The following SLC2A13 variants were observed in gnomAD, a reference collection of about 807,000 sequenced individuals.
SLC2A13 encodes solute carrier family 2 member 13.
In SLC2A13, 32 loss-of-function variants were observed where a neutral mutation model predicts 64.4. The ratio of observed to expected loss-of-function variants is 0.50; its 90% confidence interval spans 0.37 to 0.67. The LOEUF is 0.67. Among genes scored for constraint, SLC2A13 ranks in the 30% least tolerant of loss-of-function variants. SLC2A13 has a pLI of 0.00. For missense variants in SLC2A13, 743 were observed against 829.2 expected (o/e 0.90, Z 1.28); for synonymous variants, 338 against 327.1 (o/e 1.03, Z -0.36).
intron 1 of SLC2A13, among the ~76,000 whole-genome samples, chr12:40,093,816 G>C (rs1392092235): frequency 6.6e-6 from 1 of 152,104 alleles, no homozygotes; most frequent in East Asian, 1.9e-4. Context: ...AGAAGAAGTG[G>C]GGATGGGGAA....
rs1939301738 is a variant in SLC2A13 at position 40,106,036 on chromosome 12, C to CCCCGCGCCCCG, written c.-229_-228insCGGGGCGCGGG. 2.3e-6 allele frequency: 1 copy of CCCCGCGCCCCG among 426,612 alleles called. No homozygotes were observed. Among genetic ancestry groups the CCCCGCGCCCCG allele is most frequent in the South Asian group, 7.4e-5 (1 of 13,462 alleles). The allele number at this position is 426,612 out of a possible 1,614,324, so 26.4% of individuals were successfully genotyped here. Reference sequence around the variant, plus strand: ...GAGTTGGAGCCCGGCGGGTCTCACTCCACACTCACGCCCCGCGCCTGCCGA... The same window carrying CCCCGCGCCCCG: ...GAGTTGGAGCCCGGCGGGTCTCACTCCCCGCGCCCCGCACACTCACGCCCCGCGCCTGCCGA... On this transcript the variant is annotated 5_prime_UTR_variant, in exon 1 of 10. Coordinates refer to ENST00000280871, the MANE Select transcript of SLC2A13 (RefSeq NM_052885.4).
rs1290619734 is a variant in SLC2A13, at chr12:39,830,644, C to T, written c.1320-416G>A. Among the ~76,000 whole-genome samples, 2 of 152,134 alleles carry T rather than the reference C, an allele frequency of 1.3e-5. 1 individual carries two copies. The highest frequency in any genetic ancestry group is 4.2e-4 in the South Asian group (2 of 4,814). ...TTCTCTCAATTGTCTACCTCATACA[C>T]CATCTATTTTAAAAAATGAAAATAG... On this transcript the variant is annotated intron_variant, in intron 6 of 9. Transcript: ENST00000280871.
At chr12:39,859,991 T>G (rs546681092) in intron 6 of SLC2A13, among the ~76,000 whole-genome samples, 1 of 152,338 alleles carries the variant, frequency 6.6e-6, no homozygotes, top group South Asian at 2.1e-4. Flanking sequence ...CAAGTCATCT[T>G]AACAGAAAAA....
At chr12:40,064,309 G>A (rs542050517) in intron 1 of SLC2A13, among the ~76,000 whole-genome samples, 2 of 151,884 alleles carry the variant, frequency 1.3e-5, no homozygotes, top group East Asian at 1.9e-4. Flanking sequence ...GTATACTCAC[G>A]CATACATACA....
chr12:39,869,786 G>A (rs2135936789), intron 5 of SLC2A13, among the ~76,000 whole-genome samples: 1 of 152,322 alleles, frequency 6.6e-6, no homozygotes, highest in East Asian at 1.9e-4. Context: ...GATGGAGGCT[G>A]CTTTTGCACT....
At chr12:40,028,609 G>T in intron 2 of SLC2A13, 100 bp from the exon 3 acceptor site, 1 of 1,117,626 alleles carries the variant, frequency 8.9e-7, no homozygotes, top group Non-Finnish European at 1.3e-6. Context: ...AATACTTACT[G>T]TGAAGTTAGC....
At chr12:39,771,983 A>C (rs1176728964) in intron 7 of SLC2A13, among the ~76,000 whole-genome samples, 2 of 152,126 alleles carry the variant, frequency 1.3e-5, no homozygotes, top group Non-Finnish European at 2.9e-5. Flanking sequence ...GTCAGTATCT[A>C]CCATCAATTC....
At chr12:39,969,469 C>A (rs1946599522) in intron 3 of SLC2A13, among the ~76,000 whole-genome samples, 2 of 152,172 alleles carry the variant, frequency 1.3e-5, no homozygotes, top group South Asian at 4.1e-4. Context: ...CTGTTGTTTC[C>A]TGACTTTTTA....
At chr12:39,895,255 C>T (rs1944712083) in intron 4 of SLC2A13, among the ~76,000 whole-genome samples, 2 of 151,746 alleles carry the variant, frequency 1.3e-5, no homozygotes, top group African/African-American at 4.8e-5. Context: ...TAAAAAAAGG[C>T]CGAGGCGGGC....
rs1452640455 is a variant in SLC2A13, at chr12:39,858,489, C to A, written c.1319+6273G>T. The stretch of plus-strand genomic sequence containing the variant: ...ACACAAATGGAAAGTTGTTTCAATT[C>A]ACAGCATAATATTATATTCACTGTC... On this transcript the variant is annotated intron_variant, in intron 6 of 9. Transcript: ENST00000280871. Among the ~76,000 whole-genome samples the A allele has an allele frequency of 2.6e-5, 4 of 152,242 alleles. No homozygotes were observed. The East Asian group carries it at 7.7e-4, about 29-fold the overall frequency.
chr12:40,001,254 G>C (rs1947317372), intron 3 of SLC2A13, among the ~76,000 whole-genome samples: 1 of 152,202 alleles, frequency 6.6e-6, no homozygotes. Flanking sequence ...ACATACTGGA[G>C]AGGGGAACAC....
chr12:39,933,000 G>A (rs1010135423), intron 4 of SLC2A13, among the ~76,000 whole-genome samples: 3 of 152,118 alleles, frequency 2.0e-5, no homozygotes, highest in African/African-American at 7.2e-5. Context: ...GCTGAGGTGG[G>A]TGGATACTTG....
At chr12:39,968,387 T>G (rs140072955) in intron 3 of SLC2A13, among the ~76,000 whole-genome samples, 2 of 152,066 alleles carry the variant, frequency 1.3e-5, no homozygotes, top group Non-Finnish European at 2.9e-5. Flanking sequence ...CCAAGATGCA[T>G]GGGGATTATG....
intron 7 of SLC2A13, among the ~76,000 whole-genome samples, chr12:39,815,838 A>G (rs1192725645): frequency 1.3e-5 from 2 of 152,248 alleles, no homozygotes; most frequent in African/African-American, 2.4e-5. Flanking sequence ...ACAACATTCT[A>G]TAAAAGAGAT....
chr12:40,064,020 A>T (rs1474214794), intron 1 of SLC2A13, among the ~76,000 whole-genome samples: 2 of 152,088 alleles, frequency 1.3e-5, no homozygotes, highest in Non-Finnish European at 2.9e-5. Flanking sequence ...AGATGAGAGG[A>T]TCGCTTCAAG....
chr12:40,051,668 G>C (rs1368519598), intron 1 of SLC2A13, among the ~76,000 whole-genome samples: 2 of 152,144 alleles, frequency 1.3e-5, no homozygotes, highest in Non-Finnish European at 2.9e-5. Flanking sequence ...GTTGGAGATA[G>C]GGGAGAGTTG....
chr12:40,075,267 T>C (rs963676845), intron 1 of SLC2A13, among the ~76,000 whole-genome samples: 3 of 152,174 alleles, frequency 2.0e-5, no homozygotes, highest in Admixed American at 6.6e-5. Context: ...CTAAGATTTG[T>C]CCACAGTGAA....
chr12:39,900,836 T>C (rs149451988), intron 4 of SLC2A13, among the ~76,000 whole-genome samples: 12,042 of 152,212 alleles, frequency 0.079, 657 homozygotes, highest in Admixed American at 0.14. Flanking sequence ...TGGAAAAAAC[T>C]ACTTTAAAGT....
At chr12:39,957,739 C>T (rs992844348) in intron 3 of SLC2A13, among the ~76,000 whole-genome samples, 1 of 152,216 alleles carries the variant, frequency 6.6e-6, no homozygotes, top group Non-Finnish European at 1.5e-5. Context: ...ACAACATTCA[C>T]TTTAAGCATT....
Sources: gnomAD v4.1 joint callset for allele counts (sites outside exome capture counted in the v4.1 genomes callset) on GRCh38, gnomAD v4.1.1 for gene constraint, MANE v1.5 for transcripts, NCBI Gene and HGNC (gene_info 2026-07-23, HGNC 2026-07-21) for gene names.